Variants in FABP12 observed in about 807,000 individuals in gnomAD.
FABP12 encodes the protein fatty acid-binding protein 12.
In FABP12, 19 loss-of-function variants were observed where a neutral mutation model predicts 13.7. That is an observed-to-expected ratio of 1.39 (90% CI 0.97 to 2.04). The LOEUF (loss-of-function observed/expected upper bound fraction) is 2.04. FABP12 is among the 30% of genes most tolerant of loss of function. The pLI is 0.00. For missense variants in FABP12, 182 were observed against 164.2 expected (o/e 1.11, Z -0.59); for synonymous variants, 61 against 57.0 (o/e 1.07, Z -0.32).
chr8:81,543,294 A>G (rs770465313), intron 1 of FABP12, among the ~76,000 whole-genome samples: 8 of 152,228 alleles, frequency 5.3e-5, no homozygotes, highest in South Asian at 2.1e-4. Context: ...ATGACATTCC[A>G]GAAACAATTG....
At chr8:81,582,118 A>ATTTTTTTTTTTTT (rs34960860) in intron 1 of FABP12, among the ~76,000 whole-genome samples, 1 of 96,788 alleles carries the variant, frequency 1.0e-5, no homozygotes, top group Non-Finnish European at 1.9e-5. Flanking sequence ...GCTAACTGGA[A>ATTTTTTTTTTTTT]TTTTTTTTTT....
At chr8:81,546,024 A>G (rs2130000213) in intron 1 of FABP12, among the ~76,000 whole-genome samples, 1 of 152,300 alleles carries the variant, frequency 6.6e-6, no homozygotes, top group East Asian at 1.9e-4. Context: ...TGTCATGAGT[A>G]TCCTAGGGCT....
At chr8:81,584,703 T>C (rs1295145840) in intron 1 of FABP12, among the ~76,000 whole-genome samples, 2 of 150,100 alleles carry the variant, frequency 1.3e-5, no homozygotes, top group Non-Finnish European at 2.9e-5. Context: ...TTATTTTTAG[T>C]GTTTCTGAGG....
intron 1 of FABP12, among the ~76,000 whole-genome samples, chr8:81,546,875 C>A (rs1042698511): frequency 6.6e-6 from 1 of 152,096 alleles, no homozygotes; most frequent in Non-Finnish European, 1.5e-5. Flanking sequence ...TCTTCACACG[C>A]CCACCTCAAG....
At chr8:81,566,929 C>G (rs1156827772) in intron 1 of FABP12, among the ~76,000 whole-genome samples, 1 of 152,020 alleles carries the variant, frequency 6.6e-6, no homozygotes, top group African/African-American at 2.4e-5. Flanking sequence ...TATCAAAAAA[C>G]GATTAGAGTC....
chr8:81,563,063 C>T (rs1176343745), intron 1 of FABP12, among the ~76,000 whole-genome samples: 1 of 152,210 alleles, frequency 6.6e-6, no homozygotes, highest in Non-Finnish European at 1.5e-5. Flanking sequence ...TCCCGCAGCT[C>T]CAGGCAGCTC....
intron 1 of FABP12, among the ~76,000 whole-genome samples, chr8:81,571,680 G>T (rs551688696): frequency 2.0e-5 from 3 of 152,328 alleles, no homozygotes; most frequent in Admixed American, 2.0e-4. Flanking sequence ...AACTTTTTCA[G>T]AACATCATCA....
intron 1 of FABP12, among the ~76,000 whole-genome samples, chr8:81,564,999 C>CAGA (rs1809791374): frequency 6.6e-6 from 1 of 151,688 alleles, no homozygotes; most frequent in African/African-American, 2.4e-5. Context: ...AAAAAACAAT[C>CAGA]ATACCAATGG....
rs751322897 is a variant in FABP12, at chr8:81,531,219, G to C, written c.73+24C>G. The C allele has an allele frequency of 3.2e-6, 5 of 1,549,208 alleles. No homozygotes were observed. In the African/African-American group the frequency reaches 6.8e-5, roughly 21 times the overall value. On this transcript the variant is annotated intron_variant, in intron 2 of 4. Coordinates refer to ENST00000360464, the Ensembl canonical transcript of FABP12. ...CAAAATGCCCATTTTTACTGGATAT[G>C]ATATGCAAGTAAACATAGCTCACCC...
rs180897186 is a variant in FABP12 at position 81,557,164 on chromosome 8, C to A, written c.-184-17421G>T. Among the ~76,000 whole-genome samples the A allele has an allele frequency of 3.9e-5, 6 of 152,186 alleles. No individual in the cohort carries two copies. In the East Asian group the frequency reaches 1.2e-3, roughly 29 times the overall value. ...TGCTGGGATTGCAGGCATGAGCCAC[C>A]GCACCTGGCCAAGCTCACACCTTTC... On this transcript the variant is annotated intron_variant, in intron 1 of 5. Coordinates refer to the FABP12 transcript ENST00000692030.
chr8:81,570,206 G>A (rs1809901993), intron 1 of FABP12, among the ~76,000 whole-genome samples: 1 of 152,254 alleles, frequency 6.6e-6, no homozygotes, highest in South Asian at 2.1e-4. Context: ...CAAAGAGTGA[G>A]TCACAGCCCT....
Position 81,531,687 on chromosome 8 carries a change from C to T in FABP12, c.-75-297G>A, listed in dbSNP as rs537382703. 9.5e-4 allele frequency among the ~76,000 whole-genome samples: 144 copies of T among 152,278 alleles called. 1 individual carries two copies. The highest frequency in any genetic ancestry group is 3.3e-3 in the African/African-American group (138 of 41,544). On this transcript the variant is annotated intron_variant, in intron 1 of 4. Transcript: ENST00000360464. ...GGACAGCTGTGTTTATGCCGTGGAA[C>T]TTTTGTGCCCAGGTCTCTCTCTCTG...
intron 1 of FABP12, among the ~76,000 whole-genome samples, chr8:81,588,167 C>G (rs1249227760): frequency 3.3e-5 from 5 of 152,182 alleles, no homozygotes; most frequent in Non-Finnish European, 5.9e-5. Context: ...TTTGGTAACA[C>G]TCTCACAGAC....
chr8:81,547,317 C>G (rs1442995832), intron 1 of FABP12, among the ~76,000 whole-genome samples: 1 of 152,226 alleles, frequency 6.6e-6, no homozygotes, highest in East Asian at 1.9e-4. Flanking sequence ...GTGTGCTCCT[C>G]TCTTCATTTC....
chr8:81,549,237 A>ACT (rs1414862552), intron 1 of FABP12, among the ~76,000 whole-genome samples: 1 of 151,672 alleles, frequency 6.6e-6, no homozygotes, highest in African/African-American at 2.4e-5. Flanking sequence ...ATACACACAC[A>ACT]CACACACACA....
chr8:81,551,640 A>C (rs1017498187), intron 1 of FABP12, among the ~76,000 whole-genome samples: 3 of 152,218 alleles, frequency 2.0e-5, no homozygotes, highest in Admixed American at 1.3e-4. Context: ...ATTTAGCTCA[A>C]GAGACACTTA....
chr8:81,570,545 C>G (rs983255216), intron 1 of FABP12, among the ~76,000 whole-genome samples: 2 of 152,102 alleles, frequency 1.3e-5, no homozygotes. Context: ...CTCCTCTCAG[C>G]AGGCAGGTCG....
At chr8:81,533,701 C>T (rs770238530) in intron 1 of FABP12, among the ~76,000 whole-genome samples, 101 bp downstream of exon 1, 1 of 152,194 alleles carries the variant, frequency 6.6e-6, no homozygotes, top group East Asian at 1.9e-4. Context: ...TAGCTGGTCA[C>T]GTGGGACCCA....
At chr8:81,580,949 C>T (rs907264228) in intron 1 of FABP12, among the ~76,000 whole-genome samples, 5 of 152,194 alleles carry the variant, frequency 3.3e-5, no homozygotes, top group Non-Finnish European at 7.3e-5. Context: ...TTTCCTGCTT[C>T]TCTAACATTT....
Sources: allele counts gnomAD v4.1 joint callset (sites outside exome capture counted in the v4.1 genomes callset), GRCh38; gene constraint gnomAD v4.1.1; transcripts MANE v1.5; gene names NCBI Gene and HGNC (gene_info 2026-07-23, HGNC 2026-07-21).